Variants in SLC25A32 observed in about 807,000 individuals in gnomAD.
The protein encoded by SLC25A32 is solute carrier family 25 member 32, also known as Glycine auxotroph B, complementation of hamster.
SLC25A32 carries 32 observed loss-of-function variants against 39.0 expected under a neutral mutation model. That is an observed-to-expected ratio of 0.82 (90% CI 0.62 to 1.10). The LOEUF (loss-of-function observed/expected upper bound fraction) is 1.10. SLC25A32 is among the 50% of genes least tolerant of loss of function. SLC25A32 has a pLI of 0.00. For synonymous variants in SLC25A32, 166 were observed against 152.4 expected (o/e 1.09, Z -0.66); for missense variants, 367 against 395.3 (o/e 0.93, Z 0.61).
chr8:103,401,515 C>A lies in SLC25A32; in HGVS notation c.812+1G>T, dbSNP rs773133326. 1.9e-6 allele frequency: 3 copies of A among 1,612,040 alleles called. No homozygotes were observed. Among genetic ancestry groups the A allele is most frequent in the South Asian group, 2.2e-5 (2 of 90,646 alleles). On this transcript the variant is annotated splice_donor_variant, in intron 6 of 6. Coordinates refer to ENST00000297578, the MANE Select transcript of SLC25A32 (RefSeq NM_030780.5). LOFTEE classifies it high-confidence loss of function. ...ATTTTTGATATAGCACGTGCTCTCA[C>A]CTCCATGTCTTTGTGATTACATCTA...
intron 3 of SLC25A32, among the ~76,000 whole-genome samples, chr8:103,403,536 TGCAGTTA>T (rs1816264962): frequency 6.6e-6 from 1 of 152,108 alleles, no homozygotes; most frequent in South Asian, 2.1e-4. Context: ...AAGTTCCTCA[TGCAGTTA>T]GCTAGAGGTA....
At position 103,400,337 on chromosome 8, in the gene SLC25A32, C is replaced by T. The variant is rs139602019; in HGVS notation, c.*74G>A. 5.9e-4 allele frequency: 903 copies of T among 1,542,344 alleles called. 4 individuals are homozygous for T. In the African/African-American group the frequency reaches 0.011, roughly 18 times the overall value. On this transcript the variant is annotated 3_prime_UTR_variant, in exon 7 of 7. Coordinates refer to ENST00000297578, the MANE Select transcript of SLC25A32 (RefSeq NM_030780.5). Reference sequence around the variant, plus strand: ...ATGAGCCATGTTTCTATGCAGAATTCTTCTTTTATGCCTTAAACACAAAAG... The same window carrying T: ...ATGAGCCATGTTTCTATGCAGAATTTTTCTTTTATGCCTTAAACACAAAAG...
At chr8:103,404,543 C>T (rs900659566) in intron 3 of SLC25A32, among the ~76,000 whole-genome samples, 135 of 151,624 alleles carry the variant, frequency 8.9e-4, no homozygotes, top group African/African-American at 2.7e-3. Context: ...TGCAGTGAGC[C>T]GAGATAGCGC....
Position 103,400,351 on chromosome 8 carries a change from T to G in SLC25A32, c.*60A>C. ...TATGCAGAATTCTTCTTTTATGCCT[T>G]AAACACAAAAGAGCTTGTTGCTGCC... On this transcript the variant is annotated 3_prime_UTR_variant, in exon 7 of 7. Coordinates refer to ENST00000297578, the MANE Select transcript of SLC25A32 (RefSeq NM_030780.5). 1 of 1,588,650 alleles carries G rather than the reference T, an allele frequency of 6.3e-7. No homozygotes were observed. Among genetic ancestry groups the G allele is most frequent in the Non-Finnish European group, 8.6e-7 (1 of 1,162,718 alleles).
intron 1 of SLC25A32, among the ~76,000 whole-genome samples, chr8:103,408,703 C>T (rs1317475220): frequency 6.6e-6 from 1 of 152,212 alleles, no homozygotes; most frequent in Non-Finnish European, 1.5e-5. Flanking sequence ...TCTGAAGCTG[C>T]TCTTACTAGA....
chr8:103,411,251 G>C (rs903561477), intron 1 of SLC25A32, among the ~76,000 whole-genome samples: 1 of 152,064 alleles, frequency 6.6e-6, no homozygotes, highest in Non-Finnish European at 1.5e-5. Context: ...AGTTAGATAC[G>C]TTACTCTTTA....
chr8:103,411,756 G>A (rs1175133851), intron 1 of SLC25A32, among the ~76,000 whole-genome samples: 1 of 152,122 alleles, frequency 6.6e-6, no homozygotes, highest in African/African-American at 2.4e-5. Flanking sequence ...TGTGCTTCTA[G>A]TCCTGGTCTC....
chr8:103,414,910 C>A lies in SLC25A32; in HGVS notation c.28G>T (p.Gly10Trp), dbSNP rs1291910420. The A allele has an allele frequency of 6.2e-7, 1 of 1,609,942 alleles. No homozygotes were observed. The highest frequency in any genetic ancestry group is 8.5e-7 in the Non-Finnish European group (1 of 1,178,566). Residue 10 changes from glycine to tryptophan, a missense_variant, in exon 1 of 7, where the codon GGG becomes TGG. Coordinates refer to ENST00000297578, the MANE Select transcript of SLC25A32 (RefSeq NM_030780.5). MTGQGQSAS[G>W]SSAWSTVFRH... is the part of the protein sequence containing the mutation. The stretch of plus-strand genomic sequence containing the variant: ...AATACCGTGCTCCACGCCGACGACC[C>A]GGACGCCGACTGGCCCTGGCCCGTC...
In SLC25A32 at chr8:103,404,863, T is replaced by C; in HGVS notation, c.306-2A>G. ...TTATATGACTTGATGGCATTGTAACTAAAAGAATTAAATGTGAGCAGTTTA... is the reference window on the plus strand; with the variant it reads ...TTATATGACTTGATGGCATTGTAACCAAAAGAATTAAATGTGAGCAGTTTA... On this transcript the variant is annotated splice_acceptor_variant, in intron 2 of 6. Coordinates refer to ENST00000297578, the MANE Select transcript of SLC25A32 (RefSeq NM_030780.5). LOFTEE classifies it high-confidence loss of function. 1.9e-6 allele frequency: 3 copies of C among 1,597,662 alleles called. No individual in the cohort carries two copies. Among genetic ancestry groups the C allele is most frequent in the Non-Finnish European group, 2.6e-6 (3 of 1,165,638 alleles).
chr8:103,407,956 T>C (rs1055051657), intron 1 of SLC25A32, among the ~76,000 whole-genome samples, 172 bp from the exon 2 acceptor site: 1 of 141,734 alleles, frequency 7.1e-6, no homozygotes, highest in Non-Finnish European at 1.6e-5. Context: ...CATATATATA[T>C]AAATATATAT....
At chr8:103,402,151 T>C (rs1816232252) in intron 4 of SLC25A32, 97 bp from the exon 5 acceptor site, 1 of 736,998 alleles carries the variant, frequency 1.4e-6, no homozygotes, top group Non-Finnish European at 2.1e-6. Flanking sequence ...TACAGCACTT[T>C]AAGCAAATTC....
intron 2 of SLC25A32, among the ~76,000 whole-genome samples, chr8:103,406,720 G>A (rs572159407): frequency 6.6e-5 from 10 of 152,302 alleles, no homozygotes; most frequent in African/African-American, 2.4e-4. Context: ...TCCCAACAGC[G>A]ATTTCCTGTG....
intron 6 of SLC25A32, among the ~76,000 whole-genome samples, chr8:103,401,158 C>T (rs1367773062): frequency 6.6e-6 from 1 of 152,164 alleles, no homozygotes; most frequent in Non-Finnish European, 1.5e-5. Context: ...AGTTATGGTG[C>T]CAGTAGCAGG....
chr8:103,408,999 T>C (rs1259431345), intron 1 of SLC25A32, among the ~76,000 whole-genome samples: 1 of 152,220 alleles, frequency 6.6e-6, no homozygotes, highest in Non-Finnish European at 1.5e-5. Context: ...TCTGGCACTT[T>C]TCATTTCATC....
rs1816559047 is a variant in SLC25A32 at position 103,414,814 on chromosome 8, G to A, written c.124C>T (p.Pro42Ser). 1 of 1,613,688 alleles carries A rather than the reference G, an allele frequency of 6.2e-7. No homozygotes were observed. Reference sequence around the variant, plus strand: ...AAGCGGATCTTCACGAGGTCGAGCGGATGCAGCGCAAGGTTGGATAAGACG... The same window carrying A: ...AAGCGGATCTTCACGAGGTCGAGCGAATGCAGCGCAAGGTTGGATAAGACG... Reference protein sequence around the residue: ...GGVLSNLALHPLDLVKIRFAV... With the variant: ...GGVLSNLALHSLDLVKIRFAV... Residue 42 changes from proline to serine, a missense_variant, in exon 1 of 7, where the codon CCG becomes TCG. Coordinates refer to ENST00000297578, the MANE Select transcript of SLC25A32 (RefSeq NM_030780.5).
chr8:103,414,830 G>A lies in SLC25A32; in HGVS notation c.108C>T (p.Ser36=). Residue 36 remains serine, a synonymous_variant, in exon 1 of 7, where the codon TCC becomes TCT. Coordinates refer to ENST00000297578, the MANE Select transcript of SLC25A32 (RefSeq NM_030780.5). ...LIAGVSGGVL[S]NLALHPLDLV... is the part of the protein sequence containing the mutation. Reference sequence around the variant, plus strand: ...GGTCGAGCGGATGCAGCGCAAGGTTGGATAAGACGCCGCCGCTCACGCCCG... The same window carrying A: ...GGTCGAGCGGATGCAGCGCAAGGTTAGATAAGACGCCGCCGCTCACGCCCG... The A allele has an allele frequency of 1.2e-6, 2 of 1,613,870 alleles. No homozygotes were observed. Among genetic ancestry groups the A allele is most frequent in the Non-Finnish European group, 1.7e-6 (2 of 1,180,048 alleles).
intron 2 of SLC25A32, among the ~76,000 whole-genome samples, chr8:103,407,130 T>C (rs927303068): frequency 6.6e-6 from 1 of 152,214 alleles, no homozygotes; most frequent in African/African-American, 2.4e-5. Flanking sequence ...TGCTCACAAG[T>C]ATGTATTGAT....
chr8:103,405,225 T>A (rs1412090166), intron 2 of SLC25A32, among the ~76,000 whole-genome samples: 1 of 152,180 alleles, frequency 6.6e-6, no homozygotes, highest in Non-Finnish European at 1.5e-5. Context: ...ACTGAGCACC[T>A]ACGTTCAGGT....
At chr8:103,413,442 C>T (rs756855598) in intron 1 of SLC25A32, among the ~76,000 whole-genome samples, 10 of 152,184 alleles carry the variant, frequency 6.6e-5, no homozygotes, top group Non-Finnish European at 1.5e-4. Context: ...AATCCCAGAT[C>T]CATCTTTACA....
Sources: gnomAD v4.1 joint callset for allele counts (sites outside exome capture counted in the v4.1 genomes callset) on GRCh38, gnomAD v4.1.1 for gene constraint, MANE v1.5 for transcripts, NCBI Gene and HGNC (gene_info 2026-07-23, HGNC 2026-07-21) for gene names.